Variants in LTBP1 observed in about 807,000 individuals in gnomAD.
The protein encoded by LTBP1 is latent-transforming growth factor beta-binding protein 1.
Under a neutral mutation model 207.6 loss-of-function variants are expected in LTBP1, and 129 were observed. The observed-to-expected ratio is 0.62, with a 90% confidence interval of 0.54 to 0.72. The LOEUF is 0.72. Ranked by LOEUF, LTBP1 falls within the 30% of genes least tolerant of loss-of-function variation. LTBP1 has a pLI of 0.00. For synonymous variants in LTBP1, 963 were observed against 833.7 expected (o/e 1.16, Z -2.67); for missense variants, 2,281 against 2,217.2 (o/e 1.03, Z -0.58).
chr2:33,100,844 A>C (rs954757628), intron 3 of LTBP1, among the ~76,000 whole-genome samples: 11 of 152,360 alleles, frequency 7.2e-5, no homozygotes, highest in African/African-American at 2.6e-4. Flanking sequence ...GATGTTTTCA[A>C]GGTTCATCTG....
chr2:32,966,160 G>A (rs746262874), intron 2 of LTBP1, among the ~76,000 whole-genome samples: 1 of 151,966 alleles, frequency 6.6e-6, no homozygotes, highest in Non-Finnish European at 1.5e-5. Context: ...CAGGTCTTTT[G>A]CCCATTTTTT....
At chr2:33,322,796 A>C (rs1418873712) in intron 24 of LTBP1, among the ~76,000 whole-genome samples, 1 of 152,240 alleles carries the variant, frequency 6.6e-6, no homozygotes, top group Non-Finnish European at 1.5e-5. Context: ...CCGTATTTAA[A>C]TGCTGTTTCC....
intron 11 of LTBP1, among the ~76,000 whole-genome samples, chr2:33,254,549 G>GTTTT (rs531576154): frequency 2.5e-4 from 24 of 95,532 alleles, no homozygotes; most frequent in East Asian, 1.0e-3. Context: ...TTTAAACTTG[G>GTTTT]TTTTTTTTTT....
At chr2:33,108,625 C>T (rs186761179) in intron 3 of LTBP1, among the ~76,000 whole-genome samples, 133 of 152,100 alleles carry the variant, frequency 8.7e-4, no homozygotes, top group African/African-American at 2.9e-3. Flanking sequence ...GGTTGGGGCA[C>T]GAATTAGGTG....
intron 2 of LTBP1, among the ~76,000 whole-genome samples, chr2:32,993,164 G>A (rs1254819278): frequency 6.6e-6 from 1 of 152,070 alleles, no homozygotes; most frequent in African/African-American, 2.4e-5. Flanking sequence ...CAAACGGTGT[G>A]CTAGGAATGC....
chr2:33,130,409 C>T (rs1335782869), intron 4 of LTBP1, among the ~76,000 whole-genome samples: 1 of 152,214 alleles, frequency 6.6e-6, no homozygotes, highest in Non-Finnish European at 1.5e-5. Context: ...TTGTTCATGA[C>T]ATCTGATGTG....
At chr2:33,056,168 G>A (rs949053763) in intron 3 of LTBP1, among the ~76,000 whole-genome samples, 2 of 152,090 alleles carry the variant, frequency 1.3e-5, no homozygotes, top group African/African-American at 4.8e-5. Flanking sequence ...GAATATTGGG[G>A]CCAAGCCGTA....
chr2:33,272,526 T>C (rs2093344298), intron 15 of LTBP1, among the ~76,000 whole-genome samples: 1 of 152,258 alleles, frequency 6.6e-6, no homozygotes, highest in South Asian at 2.1e-4. Flanking sequence ...ATATGAACAA[T>C]AATGGTAACT....
intron 4 of LTBP1, among the ~76,000 whole-genome samples, chr2:33,130,721 C>T (rs139837391): frequency 5.9e-5 from 9 of 152,122 alleles, no homozygotes; most frequent in East Asian, 1.9e-4. Flanking sequence ...GTCTGGCAGA[C>T]GCTGCAGACA....
At chr2:33,377,649 A>C (rs1169337293) in intron 31 of LTBP1, among the ~76,000 whole-genome samples, 1 of 152,250 alleles carries the variant, frequency 6.6e-6, no homozygotes, top group Non-Finnish European at 1.5e-5. Context: ...TCAGGCATGC[A>C]TGTAAACAAT....
intron 5 of LTBP1, among the ~76,000 whole-genome samples, chr2:33,151,125 A>G (rs2083488444): frequency 6.6e-6 from 1 of 151,916 alleles, no homozygotes; most frequent in Non-Finnish European, 1.5e-5. Flanking sequence ...TGCATACACT[A>G]CCTTTTGTTT....
intron 31 of LTBP1, among the ~76,000 whole-genome samples, chr2:33,376,818 T>G (rs2095145628): frequency 6.6e-6 from 1 of 152,026 alleles, no homozygotes; most frequent in Admixed American, 6.6e-5. Flanking sequence ...CAGGGCCTCC[T>G]TTACTAAACT....
chr2:33,286,612 CTATT>C (rs2093668671), intron 19 of LTBP1, among the ~76,000 whole-genome samples: 1 of 152,184 alleles, frequency 6.6e-6, no homozygotes, highest in Non-Finnish European at 1.5e-5. Context: ...AATCACTAAG[CTATT>C]TATTGAGCTG....
At chr2:33,019,606 A>G (rs1365607444) in intron 2 of LTBP1, among the ~76,000 whole-genome samples, 2 of 152,188 alleles carry the variant, frequency 1.3e-5, no homozygotes, top group South Asian at 2.1e-4. Context: ...AAGTGCTAGG[A>G]TTACAGGCGT....
At chr2:33,317,890 CT>C (rs11353747) in intron 24 of LTBP1, 119,636 of 152,098 alleles carry the variant, frequency 0.79, 47,592 homozygotes, top group African/African-American at 0.88. Flanking sequence ...CATGAATTGT[CT>C]TTAAGTGTAG....
chr2:33,309,350 G>T, intron 22 of LTBP1, 84 bp from the exon 23 acceptor site: 2 of 840,684 alleles, frequency 2.4e-6, no homozygotes, highest in Non-Finnish European at 3.6e-6. Context: ...ATGTAAAATA[G>T]TGTACCTTTA....
At chr2:33,142,551 C>T (rs1402832936) in intron 5 of LTBP1, among the ~76,000 whole-genome samples, 1 of 151,844 alleles carries the variant, frequency 6.6e-6, no homozygotes, top group Non-Finnish European at 1.5e-5. Flanking sequence ...TTACTTGGAA[C>T]AAGAAGGGCA....
chr2:32,955,340 G>T (rs1317750092), intron 2 of LTBP1, among the ~76,000 whole-genome samples: 18 of 152,222 alleles, frequency 1.2e-4, no homozygotes, highest in Non-Finnish European at 1.5e-5. Flanking sequence ...TTTTTCTTTA[G>T]TTAGTTGAAT....
rs1340537687 is a variant in LTBP1, at chr2:33,398,568, C to T, written c.*23C>T. 1 of 1,605,792 alleles carries T rather than the reference C, an allele frequency of 6.2e-7. No homozygotes were observed. Among genetic ancestry groups the T allele is most frequent in the Admixed American group, 1.7e-5 (1 of 59,488 alleles). On this transcript the variant is annotated 3_prime_UTR_variant, in exon 34 of 34. Coordinates refer to ENST00000404816, the MANE Select transcript of LTBP1 (RefSeq NM_206943.4). ...TGAAACAGAATCTACATAACCTAAG[C>T]CCATATACTCTGCACTGTGTAAAGG...
Sources: gnomAD v4.1 joint callset for allele counts (sites outside exome capture counted in the v4.1 genomes callset) on GRCh38, gnomAD v4.1.1 for gene constraint, MANE v1.5 for transcripts, NCBI Gene and HGNC (gene_info 2026-07-23, HGNC 2026-07-21) for gene names.